CNTN6: variants seen among roughly 807,000 people sequenced by gnomAD.
The protein encoded by CNTN6 is contactin 6.
A neutral mutation model predicts 122.8 loss-of-function variants in CNTN6; 137 were observed. That is an observed-to-expected ratio of 1.12 (90% CI 0.97 to 1.29). The LOEUF is 1.29. Ranked by LOEUF, CNTN6 falls within the 50% of genes most tolerant of loss-of-function variation. CNTN6 has a pLI of 0.00. For missense variants in CNTN6, 1,634 were observed against 1,223.4 expected, an observed-to-expected ratio of 1.34 and a Z score of -5.01; for synonymous variants, 570 against 426.0, an observed-to-expected ratio of 1.34 and a Z score of -4.16.
At chr3:1,372,499 C>G in intron 13 of CNTN6, 25 bp downstream of exon 13, 2 of 1,558,862 alleles carry the variant, frequency 1.3e-6, no homozygotes, top group Non-Finnish European at 1.7e-6. Flanking sequence ...TTGTTAAGTG[C>G]TTAATAAAAT....
intron 3 of CNTN6, among the ~76,000 whole-genome samples, chr3:1,224,293 G>A (rs1294013279): frequency 1.3e-5 from 2 of 152,124 alleles, no homozygotes; most frequent in African/African-American, 2.4e-5. Context: ...AAGGGGACAG[G>A]TGGGTCAAAG....
intron 21 of CNTN6, 151 bp downstream of exon 21, chr3:1,401,696 T>G (rs1695732304): frequency 3.3e-6 from 2 of 605,984 alleles, no homozygotes; most frequent in East Asian, 5.8e-5. Context: ...CTTTCTAATT[T>G]TCCATTGAAA....
intron 4 of CNTN6, among the ~76,000 whole-genome samples, chr3:1,250,914 A>G (rs200349359): frequency 6.2e-5 from 5 of 80,274 alleles, no homozygotes; most frequent in Non-Finnish European, 9.3e-5. Flanking sequence ...CCTCCGTGCC[A>G]TTTCCAGATG....
At chr3:1,387,651 C>CGGGTT (rs1693246885) in intron 20 of CNTN6, among the ~76,000 whole-genome samples, 1 of 152,164 alleles carries the variant, frequency 6.6e-6, no homozygotes, top group African/African-American at 2.4e-5. Context: ...TCTGAGGTAC[C>CGGGTT]CGGTTCATCT....
intron 3 of CNTN6, among the ~76,000 whole-genome samples, chr3:1,222,273 T>G (rs1274144409): frequency 1.3e-5 from 2 of 152,186 alleles, no homozygotes; most frequent in Non-Finnish European, 2.9e-5. Context: ...AATGATGAGC[T>G]GTCCTATTAG....
In CNTN6 at chr3:1,329,869, C is replaced by A; in HGVS notation, c.1298C>A (p.Pro433Gln). The part of the protein sequence containing the change: ...VGGDIVIGCK[P>Q]NAFPRAAISW... ...GGGGATATTGTTATCGGATGCAAACCAAATGCTTTTCCCAGGGCAGCTATC... is the reference window on the plus strand; with the variant it reads ...GGGGATATTGTTATCGGATGCAAACAAAATGCTTTTCCCAGGGCAGCTATC... Residue 433 changes from proline to glutamine, a missense_variant, in exon 11 of 23, where the codon CCA (proline) becomes CAA (glutamine). Pro to Gln is a moderately conservative substitution (Grantham distance 76). Transcript: ENST00000446702. The A allele has an allele frequency of 6.2e-7, 1 of 1,610,782 alleles. No homozygotes were observed. The highest frequency in any genetic ancestry group is 8.5e-7 in the Non-Finnish European group (1 of 1,177,972).
At chr3:1,308,511 G>A (rs777042686) in intron 7 of CNTN6, among the ~76,000 whole-genome samples, 20 of 151,762 alleles carry the variant, frequency 1.3e-4, no homozygotes, top group Non-Finnish European at 8.8e-5. Flanking sequence ...TTATTTAGGC[G>A]CTCTCAGATG....
intron 4 of CNTN6, among the ~76,000 whole-genome samples, chr3:1,265,344 T>A (rs1317079946): frequency 6.6e-6 from 1 of 152,148 alleles, no homozygotes; most frequent in East Asian, 1.9e-4. Flanking sequence ...TCCAGGTAAT[T>A]CCAGTGTAAC....
chr3:1,130,641 T>A (rs1029284277), intron 1 of CNTN6, among the ~76,000 whole-genome samples: 5 of 152,114 alleles, frequency 3.3e-5, no homozygotes, highest in Non-Finnish European at 7.4e-5. Context: ...TAACCCACTA[T>A]CCTAGCAATG....
chr3:1,267,056 C>G (rs2094937859), intron 4 of CNTN6, among the ~76,000 whole-genome samples: 1 of 147,842 alleles, frequency 6.8e-6, no homozygotes, highest in Non-Finnish European at 1.5e-5. Flanking sequence ...GCTGGGACTA[C>G]AGGCACACAC....
chr3:1,148,281 T>C (rs1018702668), intron 2 of CNTN6, among the ~76,000 whole-genome samples: 1 of 152,072 alleles, frequency 6.6e-6, no homozygotes, highest in African/African-American at 2.4e-5. Flanking sequence ...ATTATTACAT[T>C]TATAAATTGG....
At chr3:1,268,841 A>T (rs999725012) in intron 4 of CNTN6, among the ~76,000 whole-genome samples, 2 of 151,892 alleles carry the variant, frequency 1.3e-5, no homozygotes, top group Non-Finnish European at 1.5e-5. Flanking sequence ...TCAAGCTGGG[A>T]TTGGTGGCAC....
At chr3:1,312,054 A>T (rs1008430600) in intron 7 of CNTN6, among the ~76,000 whole-genome samples, 2 of 151,986 alleles carry the variant, frequency 1.3e-5, no homozygotes, top group African/African-American at 4.8e-5. Flanking sequence ...TTATTGGTAA[A>T]TGGAACACTA....
chr3:1,361,189 C>T (rs536316001), intron 12 of CNTN6, among the ~76,000 whole-genome samples: 87 of 152,208 alleles, frequency 5.7e-4, no homozygotes, highest in Non-Finnish European at 1.1e-3. Context: ...ACCACACACA[C>T]GCTAAACCCA....
chr3:1,232,335 C>G (rs577073536), intron 4 of CNTN6, among the ~76,000 whole-genome samples: 2 of 152,226 alleles, frequency 1.3e-5, no homozygotes, highest in African/African-American at 2.4e-5. Flanking sequence ...TCCAAGCAAC[C>G]GGAGAACACC....
intron 5 of CNTN6, among the ~76,000 whole-genome samples, chr3:1,283,671 A>C (rs1693852610): frequency 6.6e-6 from 1 of 152,168 alleles, no homozygotes; most frequent in Non-Finnish European, 1.5e-5. Flanking sequence ...CACTTTATCC[A>C]AAGTAAAGAA....
intron 4 of CNTN6, among the ~76,000 whole-genome samples, chr3:1,272,305 AC>A (rs2095040146): frequency 6.6e-6 from 1 of 152,204 alleles, no homozygotes; most frequent in East Asian, 1.9e-4. Context: ...AATTGGGTCA[AC>A]TTTGGTCAGT....
intron 12 of CNTN6, among the ~76,000 whole-genome samples, chr3:1,357,621 C>T (rs1436430982): frequency 6.6e-6 from 1 of 151,868 alleles, no homozygotes; most frequent in Non-Finnish European, 1.5e-5. Context: ...TCTTTTCCAT[C>T]TTCCAACAAA....
rs1485177684 is a variant in CNTN6 at position 1,204,037 on chromosome 3, T to C, written c.56-16650T>C. 5.3e-5 allele frequency among the ~76,000 whole-genome samples: 8 copies of C among 152,316 alleles called. No homozygotes were observed. In the East Asian group the frequency reaches 1.5e-3, roughly 29 times the overall value. On this transcript the variant is annotated intron_variant, in intron 2 of 22. Coordinates refer to ENST00000446702, the MANE Select transcript of CNTN6 (RefSeq NM_001289080.2). Reference sequence around the variant, plus strand: ...GCTATACTGTCTAGGTTTGTGTAAGTGCACTCTGTGATATTCCCACAATGA... The same window carrying C: ...GCTATACTGTCTAGGTTTGTGTAAGCGCACTCTGTGATATTCCCACAATGA...
Sources: allele counts gnomAD v4.1 joint callset (sites outside exome capture counted in the v4.1 genomes callset), GRCh38; gene constraint gnomAD v4.1.1; transcripts MANE v1.5; gene names NCBI Gene and HGNC (gene_info 2026-07-23, HGNC 2026-07-21).